Variants in COL4A2 observed in about 807,000 individuals in gnomAD.
COL4A2 encodes collagen type IV alpha 2 chain.
Under a neutral mutation model 200.2 loss-of-function variants are expected in COL4A2, and 99 were observed. That is an observed-to-expected ratio of 0.49 (90% CI 0.42 to 0.58). The LOEUF is 0.58. COL4A2 is among the 20% of genes least tolerant of loss of function. The pLI, the probability that COL4A2 is intolerant of heterozygous loss-of-function variation, is 0.00. For missense variants in COL4A2, 1,950 were observed against 2,314.1 expected (o/e 0.84, Z 3.23); for synonymous variants, 897 against 900.6 (o/e 1.00, Z 0.07).
At chr13:110,420,810 C>T (rs551008529) in intron 4 of COL4A2, among the ~76,000 whole-genome samples, 1 of 152,324 alleles carries the variant, frequency 6.6e-6, no homozygotes, top group South Asian at 2.1e-4. Flanking sequence ...GAAGCTCCAT[C>T]CTGATGACCA....
At chr13:110,493,084 TG>T in intron 38 of COL4A2, 126 bp from the exon 39 acceptor site, 1 of 1,026,650 alleles carries the variant, frequency 9.7e-7, no homozygotes, top group Non-Finnish European at 1.5e-6. Flanking sequence ...CCCCCATGGG[TG>T]AAATAACGAT....
intron 3 of COL4A2, among the ~76,000 whole-genome samples, chr13:110,308,695 C>T (rs1466708310): frequency 6.6e-6 from 1 of 152,194 alleles, no homozygotes; most frequent in Non-Finnish European, 1.5e-5. Flanking sequence ...GGAAGAGCTG[C>T]TCCGGGCGCC....
intron 29 of COL4A2, among the ~76,000 whole-genome samples, chr13:110,477,215 T>G (rs1882736699): frequency 6.6e-6 from 1 of 152,032 alleles, no homozygotes; most frequent in Admixed American, 6.6e-5. Context: ...AGAAAAGATA[T>G]GAGCAAAGAA....
Position 110,489,547 on chromosome 13 carries a change from A to G in COL4A2, c.3271+39A>G, listed in dbSNP as rs771493019. ...GTCCAGTGAAAACAGGGAGTCCACAATTCAGAGCTCTCTGAGCATGTGAGC... is the reference window on the plus strand; with the variant it reads ...GTCCAGTGAAAACAGGGAGTCCACAGTTCAGAGCTCTCTGAGCATGTGAGC... On this transcript the variant is annotated intron_variant, in intron 35 of 47. Transcript: ENST00000360467. 16 of 1,611,486 alleles carry G rather than the reference A, an allele frequency of 9.9e-6. No individual in the cohort carries two copies. The African/African-American group carries it at 1.3e-4, about 13-fold the overall frequency.
chr13:110,466,034 AG>A lies in COL4A2; in HGVS notation c.2012del (p.Gly671ValfsTer12), dbSNP rs1256562434. On this transcript the variant is annotated frameshift_variant, in exon 26 of 48. Transcript: ENST00000360467. LOFTEE classifies it high-confidence loss of function. ...ACACAGATGTGAAAAGGGCCGTTGGAGGTGACAGACAGGAGGCCATCCAGCC... is the reference window on the plus strand; with the variant it reads ...ACACAGATGTGAAAAGGGCCGTTGGAGTGACAGACAGGAGGCCATCCAGCC... ...CDTDVKRAVG[G>X]DRQEAIQPGC... The A allele has an allele frequency of 6.2e-7, 1 of 1,613,824 alleles. No homozygotes were observed. Among genetic ancestry groups the A allele is most frequent in the East Asian group, 2.2e-5 (1 of 44,870 alleles).
At chr13:110,420,333 C>T (rs1177082821) in intron 4 of COL4A2, among the ~76,000 whole-genome samples, 1 of 152,162 alleles carries the variant, frequency 6.6e-6, no homozygotes, top group Non-Finnish European at 1.5e-5. Context: ...CGCATCATCT[C>T]AAAAGATAGA....
At chr13:110,341,958 T>C (rs183216765) in intron 3 of COL4A2, among the ~76,000 whole-genome samples, 2 of 152,344 alleles carry the variant, frequency 1.3e-5, no homozygotes, top group South Asian at 2.1e-4. Flanking sequence ...AAGAGCACTT[T>C]TGATACATAG....
At chr13:110,418,047 C>T (rs61963221) in intron 4 of COL4A2, among the ~76,000 whole-genome samples, 3,279 of 152,150 alleles carry the variant, frequency 0.022, 54 homozygotes, top group Middle Eastern at 0.071. Flanking sequence ...CAGCTCTTGG[C>T]GTGGCCACCT....
chr13:110,478,601 A>G (rs1882782798), intron 30 of COL4A2, among the ~76,000 whole-genome samples: 1 of 152,134 alleles, frequency 6.6e-6, no homozygotes, highest in Admixed American at 6.5e-5. Flanking sequence ...AGGCCAAGGC[A>G]GGTGGCAGAG....
chr13:110,418,252 C>T (rs1880120844), intron 4 of COL4A2, among the ~76,000 whole-genome samples: 1 of 152,142 alleles, frequency 6.6e-6, no homozygotes, highest in Non-Finnish European at 1.5e-5. Context: ...TTTGAGAGTT[C>T]TTTATATGTT....
At chr13:110,468,530 C>G (rs900588192) in intron 27 of COL4A2, among the ~76,000 whole-genome samples, 17 of 152,242 alleles carry the variant, frequency 1.1e-4, no homozygotes, top group African/African-American at 4.1e-4. Context: ...CCCAGCCATA[C>G]CCAGTTATTT....
Position 110,453,031 on chromosome 13 carries a change from G to A in COL4A2, c.1339+2577G>A, listed in dbSNP as rs552901868. ...TCTGCCCACCTCGGCCTCCCAGAGT[G>A]CTGGGATTACAGGTATGAATCACCA... On this transcript the variant is annotated intron_variant, in intron 20 of 47. Coordinates refer to ENST00000360467, the MANE Select transcript of COL4A2 (RefSeq NM_001846.4). Among the ~76,000 whole-genome samples the A allele has an allele frequency of 5.3e-4, 80 of 152,202 alleles. 1 individual carries two copies. In the South Asian group the frequency reaches 0.016, roughly 31 times the overall value.
intron 4 of COL4A2, among the ~76,000 whole-genome samples, chr13:110,357,935 T>C (rs1242994003): frequency 1.3e-5 from 2 of 152,210 alleles, no homozygotes; most frequent in African/African-American, 4.8e-5. Flanking sequence ...TGCGTGGATG[T>C]GAAGGCCTGG....
chr13:110,460,455 G>T (rs1199486440), intron 22 of COL4A2, among the ~76,000 whole-genome samples: 2 of 152,234 alleles, frequency 1.3e-5, no homozygotes, highest in African/African-American at 2.4e-5. Flanking sequence ...TGCGTGGGGT[G>T]AGAACTGCAC....
chr13:110,472,443 A>G (rs902523437), intron 28 of COL4A2, among the ~76,000 whole-genome samples: 2 of 152,084 alleles, frequency 1.3e-5, no homozygotes, highest in African/African-American at 2.4e-5. Context: ...TCCTCTTTGA[A>G]GCGTTTCCCA....
chr13:110,504,635 G>A (rs1242491452), intron 45 of COL4A2, among the ~76,000 whole-genome samples: 1 of 152,060 alleles, frequency 6.6e-6, no homozygotes, highest in Non-Finnish European at 1.5e-5. Flanking sequence ...ACAGAGTCTC[G>A]CTCTGTCTCA....
At position 110,358,420 on chromosome 13, in the gene COL4A2, C is replaced by G. The variant is rs74828298; in HGVS notation, c.180+868C>G. 7.2e-3 allele frequency among the ~76,000 whole-genome samples: 1,089 copies of G among 152,246 alleles called. 17 individuals carry two copies. Among genetic ancestry groups the G allele is most frequent in the African/African-American group, 0.025 (1,025 of 41,532 alleles). On this transcript the variant is annotated intron_variant, in intron 4 of 47. Transcript: ENST00000360467. The stretch of plus-strand genomic sequence containing the variant: ...TTCTTCCTGAAGCACCTGCCTGAGG[C>G]TATTTTACAGTTAACATATGTACAC...
intron 13 of COL4A2, among the ~76,000 whole-genome samples, chr13:110,437,410 G>A (rs533641331): frequency 8.5e-5 from 13 of 152,314 alleles, no homozygotes; most frequent in Non-Finnish European, 1.6e-4. Context: ...TGGCCAACCC[G>A]CAGGGGCAGT....
At chr13:110,509,644 T>G (rs139553927) in intron 47 of COL4A2, among the ~76,000 whole-genome samples, 306 of 152,244 alleles carry the variant, frequency 2.0e-3, no homozygotes, top group African/African-American at 7.0e-3. Context: ...AAGGGCATGA[T>G]TACACAGTAT....
Sources: gnomAD v4.1 joint callset for allele counts (sites outside exome capture counted in the v4.1 genomes callset) on GRCh38, gnomAD v4.1.1 for gene constraint, MANE v1.5 for transcripts, NCBI Gene and HGNC (gene_info 2026-07-23, HGNC 2026-07-21) for gene names.